Variants in RBBP9 observed in about 807,000 individuals in gnomAD.
The protein encoded by RBBP9 is serine hydrolase RBBP9.
In RBBP9, 20 loss-of-function variants were observed where a neutral mutation model predicts 24.2. The observed-to-expected ratio is 0.83, with a 90% CI of 0.58 to 1.20. The LOEUF (loss-of-function observed/expected upper bound fraction) is 1.20. RBBP9 is among the 50% of genes most tolerant of loss of function. The pLI, the probability that RBBP9 is intolerant of heterozygous loss-of-function variation, is 0.00. For synonymous variants in RBBP9, 74 were observed against 84.6 expected (o/e 0.87, Z 0.69); for missense variants, 234 against 233.6 (o/e 1.00, Z -0.01).
In RBBP9 at chr20:18,489,852, T is replaced by C; in HGVS notation, c.473A>G (p.His158Arg). 1.2e-6 allele frequency: 2 copies of C among 1,614,162 alleles called. No individual in the cohort carries two copies. The highest frequency in any genetic ancestry group is 1.7e-6 in the Non-Finnish European group (2 of 1,179,988). ...EVADRLETKLHKFTDCGHFQN... is the reference protein window; with the variant it reads ...EVADRLETKLRKFTDCGHFQN... ...AAAGTGGCCACAGTCAGTGAATTTGTGCAATTTGGTTTCCAACCTATCGGC... is the reference window on the plus strand; with the variant it reads ...AAAGTGGCCACAGTCAGTGAATTTGCGCAATTTGGTTTCCAACCTATCGGC... The change falls in exon 5 of 5, where the codon CAC becomes CGC. Residue 158 changes from histidine to arginine, a missense_variant. Physicochemically the swap from His to Arg is conservative, Grantham distance 29 (BLOSUM62 0). Coordinates refer to ENST00000337227, the MANE Select transcript of RBBP9 (RefSeq NM_006606.3).
intron 3 of RBBP9, among the ~76,000 whole-genome samples, chr20:18,491,906 G>C (rs1350595712): frequency 1.3e-5 from 2 of 151,932 alleles, no homozygotes; most frequent in African/African-American, 4.8e-5. Context: ...AGACCAGCCT[G>C]ACCAATATGG....
intron 3 of RBBP9, among the ~76,000 whole-genome samples, chr20:18,493,316 C>A (rs1460048997): frequency 6.6e-6 from 1 of 152,176 alleles, no homozygotes; most frequent in African/African-American, 2.4e-5. Context: ...AGGCTCTCTT[C>A]TAGGCAATGG....
intron 3 of RBBP9, among the ~76,000 whole-genome samples, chr20:18,490,922 A>G (rs1239460916): frequency 6.0e-5 from 9 of 150,682 alleles, no homozygotes. Flanking sequence ...CAAATAATCC[A>G]CTCACCCCGG....
chr20:18,487,520 G>C lies in RBBP9; in HGVS notation c.*2244C>G, dbSNP rs1352784223. On this transcript the variant is annotated 3_prime_UTR_variant, in exon 5 of 5. Transcript: ENST00000337227. ...GATTTGGTCAAATTAGTGCTAAACAGCCTCTTTAACAACATTATTATTCAA... is the reference window on the plus strand; with the variant it reads ...GATTTGGTCAAATTAGTGCTAAACACCCTCTTTAACAACATTATTATTCAA... 1 of 152,160 alleles carries C rather than the reference G, an allele frequency of 6.6e-6. No individual in the cohort carries two copies. Among genetic ancestry groups the C allele is most frequent in the African/African-American group, 2.4e-5 (1 of 41,434 alleles). 9.4% of individuals were successfully genotyped at this position (152,160 alleles called of 1,614,324 possible).
At chr20:18,494,201 T>A (rs1164892980) in intron 2 of RBBP9, 138 bp from the exon 3 acceptor site, 1 of 628,718 alleles carries the variant, frequency 1.6e-6, no homozygotes, top group Non-Finnish European at 2.7e-6. Flanking sequence ...GAGACCAGAC[T>A]GTATTAACAA....
intron 4 of RBBP9, among the ~76,000 whole-genome samples, 163 bp downstream of exon 4, chr20:18,490,232 G>A (rs1043774922): frequency 6.6e-6 from 1 of 152,154 alleles, no homozygotes; most frequent in Non-Finnish European, 1.5e-5. Flanking sequence ...AGCTTGGGAA[G>A]AAATCAAAGT....
Position 18,490,443 on chromosome 20 carries a change from C to G in RBBP9, c.286G>C (p.Val96Leu), listed in dbSNP as rs1467385582. The G allele has an allele frequency of 6.2e-7, 1 of 1,613,752 alleles. No individual in the cohort carries two copies. The highest frequency in any genetic ancestry group is 1.6e-4 in the Middle Eastern group (1 of 6,062). The change falls in exon 4 of 5, where the codon GTG becomes CTG. Residue 96 changes from valine (V) to leucine (L), a missense_variant. Coordinates refer to ENST00000337227, the MANE Select transcript of RBBP9 (RefSeq NM_006606.3). The part of the protein sequence containing the change: ...ETHRVYAIVL[V>L]SAYTSDLGDE... ...CCCAAGTCTGATGTGTACGCAGACACTAATACAATAGCATATACTCGATGT... is the reference window on the plus strand; with the variant it reads ...CCCAAGTCTGATGTGTACGCAGACAGTAATACAATAGCATATACTCGATGT...
At chr20:18,494,184 A>T in intron 2 of RBBP9, 121 bp from the exon 3 acceptor site, 1 of 693,702 alleles carries the variant, frequency 1.4e-6, no homozygotes, top group Admixed American at 2.8e-5. Flanking sequence ...CTGCAGGACC[A>T]CAGCAGGAGA....
Position 18,487,866 on chromosome 20 carries a change from C to G in RBBP9, c.*1898G>C, listed in dbSNP as rs1490692198. 1.3e-5 allele frequency: 2 copies of G among 152,208 alleles called. No homozygotes were observed. Among genetic ancestry groups the G allele is most frequent in the East Asian group, 3.9e-4 (2 of 5,188 alleles). The allele number at this position is 152,208 out of a possible 1,614,324, so 9.4% of individuals were successfully genotyped here. A position where few individuals can be genotyped will look rare whatever the true frequency, so the allele number is the denominator to read the frequency against. Reference sequence around the variant, plus strand: ...ACTTGGGAGGCTGAGATGAGAATCACTTGAACCCGGGAGGTGCAGGTTAGA... The same window carrying G: ...ACTTGGGAGGCTGAGATGAGAATCAGTTGAACCCGGGAGGTGCAGGTTAGA... On this transcript the variant is annotated 3_prime_UTR_variant, in exon 5 of 5. Coordinates refer to ENST00000337227, the MANE Select transcript of RBBP9 (RefSeq NM_006606.3).
intron 4 of RBBP9, 72 bp from the exon 5 acceptor site, chr20:18,490,062 T>C: frequency 1.8e-6 from 2 of 1,111,986 alleles, no homozygotes; most frequent in South Asian, 1.6e-5. Flanking sequence ...AAATACCTAC[T>C]GGCGACCCAC....
At chr20:18,497,038 A>C (rs1300451402) in intron 1 of RBBP9, 31 bp downstream of exon 1, 3 of 1,584,320 alleles carry the variant, frequency 1.9e-6, no homozygotes, top group Admixed American at 3.3e-5. Context: ...CTCCAGGCTG[A>C]CTTCACGGAG....
chr20:18,497,155 T>A lies in RBBP9; in HGVS notation c.13A>T (p.Ser5Cys). The change falls in exon 1 of 5, where the codon AGC becomes TGC. Residue 5 changes from serine (S) to cysteine (C), a missense_variant. Physicochemically the swap from Ser to Cys is moderately radical, Grantham distance 112. Transcript: ENST00000337227. Reference protein sequence around the residue: MASPSKAVIVPGNGG... With the variant: MASPCKAVIVPGNGG... ...TTCCCGGGAACAATCACTGCCTTGCTAGGAGAAGCCATGAGTGCAGCGAGG... is the reference window on the plus strand; with the variant it reads ...TTCCCGGGAACAATCACTGCCTTGCAAGGAGAAGCCATGAGTGCAGCGAGG... The A allele has an allele frequency of 6.2e-7, 1 of 1,613,980 alleles. No individual in the cohort carries two copies. Among genetic ancestry groups the A allele is most frequent in the Middle Eastern group, 1.6e-4 (1 of 6,062 alleles).
intron 2 of RBBP9, 80 bp from the exon 3 acceptor site, chr20:18,494,143 G>T: frequency 9.1e-7 from 1 of 1,100,188 alleles, no homozygotes; most frequent in Non-Finnish European, 1.4e-6. Context: ...TTTCAAACAG[G>T]CAACTATTCA....
Position 18,487,331 on chromosome 20 carries a change from ATATT to A in RBBP9, c.*2429_*2432del, listed in dbSNP as rs1406765276. ...TATCAGAATTATTTCTCAATTATATATATTTAGTTTTCATTTCTACAGAGAAAGA... is the reference window on the plus strand; with the variant it reads ...TATCAGAATTATTTCTCAATTATATATAGTTTTCATTTCTACAGAGAAAGA... On this transcript the variant is annotated 3_prime_UTR_variant, in exon 5 of 5. Transcript: ENST00000337227. The A allele has an allele frequency of 1.3e-5, 2 of 152,232 alleles. No individual in the cohort carries two copies. The highest frequency in any genetic ancestry group is 2.9e-5 in the Non-Finnish European group (2 of 68,050). 9.4% of individuals were successfully genotyped at this position (152,232 alleles called of 1,614,324 possible). A position where few individuals can be genotyped will look rare whatever the true frequency, so the allele number is the denominator to read the frequency against.
At chr20:18,493,566 C>G (rs538584767) in intron 3 of RBBP9, among the ~76,000 whole-genome samples, 1 of 152,162 alleles carries the variant, frequency 6.6e-6, no homozygotes, top group African/African-American at 2.4e-5. Context: ...CATGCAGTGT[C>G]TAGGGCCAGA....
At chr20:18,490,958 C>CGTGA (rs1430202548) in intron 3 of RBBP9, among the ~76,000 whole-genome samples, 1 of 152,148 alleles carries the variant, frequency 6.6e-6, no homozygotes, top group Non-Finnish European at 1.5e-5. Flanking sequence ...GGATTACAGG[C>CGTGA]GTGAGCCACC....
At chr20:18,493,902 T>C in intron 3 of RBBP9, 56 bp downstream of exon 3, 1 of 1,358,614 alleles carries the variant, frequency 7.4e-7, no homozygotes, top group Non-Finnish European at 1.0e-6. Context: ...AAGGTATTTC[T>C]CAAGCAAGCA....
intron 3 of RBBP9, among the ~76,000 whole-genome samples, chr20:18,492,564 T>G (rs1255520619): frequency 6.6e-6 from 1 of 152,198 alleles, no homozygotes; most frequent in Non-Finnish European, 1.5e-5. Context: ...CAGTCTATTA[T>G]TGGTGAGATT....
Position 18,489,866 on chromosome 20 carries a change from C to A in RBBP9, c.459G>T (p.Leu153Phe). The change falls in exon 5 of 5, where the codon TTG becomes TTT. Residue 153 changes from leucine (L) to phenylalanine (F), a missense_variant. Coordinates refer to ENST00000337227, the MANE Select transcript of RBBP9 (RefSeq NM_006606.3). ...CAGTGAATTTGTGCAATTTGGTTTC[C>A]AACCTATCGGCCACTTCTTGTTGTT... is the stretch of plus-strand genomic sequence containing the variant. ...WKEQQEVADR[L>F]ETKLHKFTDC... 6.2e-7 allele frequency: 1 copy of A among 1,613,990 alleles called. No individual in the cohort carries two copies. Among genetic ancestry groups the A allele is most frequent in the Admixed American group, 1.7e-5 (1 of 60,018 alleles).
Sources: allele counts gnomAD v4.1 joint callset (sites outside exome capture counted in the v4.1 genomes callset), GRCh38; gene constraint gnomAD v4.1.1; transcripts MANE v1.5; gene names NCBI Gene and HGNC (gene_info 2026-07-23, HGNC 2026-07-21).